NRXN1: variants seen among roughly 807,000 people sequenced by gnomAD.
NRXN1 encodes the protein neurexin 1.
Under a neutral mutation model 150.9 loss-of-function variants are expected in NRXN1, and 39 were observed. The ratio of observed to expected loss-of-function variants is 0.26; its 90% CI spans 0.20 to 0.34. The LOEUF is 0.34. Ranked by LOEUF, NRXN1 falls within the 10% of genes least tolerant of loss-of-function variation. The pLI is 1.00. For synonymous variants in NRXN1, 924 were observed against 757.0 expected (o/e 1.22, Z -3.62); for missense variants, 1,815 against 1,949.9 (o/e 0.93, Z 1.30).
chr2:50,136,915 A>C (rs752010266), intron 18 of NRXN1, among the ~76,000 whole-genome samples: 2 of 152,226 alleles, frequency 1.3e-5, no homozygotes, highest in Non-Finnish European at 1.5e-5. Context: ...AGAATAATCT[A>C]TAAAAACTAA....
chr2:50,006,945 G>A (rs1641900497), intron 21 of NRXN1, among the ~76,000 whole-genome samples: 1 of 152,120 alleles, frequency 6.6e-6, no homozygotes, highest in Non-Finnish European at 1.5e-5. Context: ...TTGAAGAGAG[G>A]CTAGATGCTC....
At chr2:50,456,923 C>T (rs1403360313) in intron 17 of NRXN1, among the ~76,000 whole-genome samples, 2 of 152,092 alleles carry the variant, frequency 1.3e-5, no homozygotes, top group Non-Finnish European at 2.9e-5. Context: ...TCATTTGGTG[C>T]ACATTCATTG....
chr2:50,906,537 A>G (rs1178808954), intron 5 of NRXN1, among the ~76,000 whole-genome samples: 1 of 152,076 alleles, frequency 6.6e-6, no homozygotes, highest in East Asian at 1.9e-4. Context: ...AATTGTTGCT[A>G]TGCTGTTTTC....
intron 18 of NRXN1, among the ~76,000 whole-genome samples, chr2:50,220,836 C>T (rs2063827336): frequency 6.6e-6 from 1 of 151,936 alleles, no homozygotes; most frequent in African/African-American, 2.4e-5. Flanking sequence ...CTTGTAACAC[C>T]AAACAACCAC....
At chr2:50,528,307 A>G (rs1558885043) in intron 12 of NRXN1, among the ~76,000 whole-genome samples, 1 of 151,992 alleles carries the variant, frequency 6.6e-6, no homozygotes, top group Non-Finnish European at 1.5e-5. Context: ...ATTTTCTCCT[A>G]TTTGGTTATG....
At chr2:50,962,469 G>C (rs1270137440) in intron 2 of NRXN1, among the ~76,000 whole-genome samples, 1 of 151,584 alleles carries the variant, frequency 6.6e-6, no homozygotes, top group Non-Finnish European at 1.5e-5. Context: ...ACACATTACA[G>C]CTTCCACATT....
chr2:50,466,323 C>T (rs911783936), intron 16 of NRXN1: 59 of 363,756 alleles, frequency 1.6e-4, no homozygotes, highest in Non-Finnish European at 2.9e-4. Flanking sequence ...AGGCTTCTTG[C>T]ACAACGTTCA....
intron 5 of NRXN1, among the ~76,000 whole-genome samples, chr2:50,901,426 A>G (rs1000321507): frequency 5.3e-5 from 8 of 152,010 alleles, no homozygotes; most frequent in Non-Finnish European, 8.8e-5. Context: ...AGTCCCAGCT[A>G]CTCAGGAGGC....
intron 16 of NRXN1, chr2:50,466,352 A>C (rs1214733288): frequency 5.6e-6 from 2 of 356,048 alleles, no homozygotes; most frequent in Non-Finnish European, 1.1e-5. Flanking sequence ...AAAGAATGAA[A>C]TCTGAACCCA....
intron 2 of NRXN1, among the ~76,000 whole-genome samples, chr2:51,003,124 T>A (rs1171354444): frequency 6.6e-6 from 1 of 151,954 alleles, no homozygotes; most frequent in African/African-American, 2.4e-5. Flanking sequence ...CATTTGAGCA[T>A]CTTCTATGCA....
In NRXN1 at chr2:49,922,131, A is replaced by T. The variant is rs1293864569; in HGVS notation, c.4337T>A (p.Leu1446His). Reference sequence around the variant, plus strand: ...CTTGTACATGGCATAGAGGAGGATAAGGATGCACAGGGCGGCAGCGGCTAC... The same window carrying T: ...CTTGTACATGGCATAGAGGAGGATATGGATGCACAGGGCGGCAGCGGCTAC... ...GIVAAAALCI[L>H]ILLYAMYKYR... Residue 1446 changes from leucine (L) to histidine (H), a missense_variant, in exon 23 of 23, where the codon CTT (leucine) becomes CAT (histidine). By Grantham distance (99) the Leu-to-His change is moderately conservative. Transcript: ENST00000401669. 2 of 1,614,098 alleles carry T rather than the reference A, an allele frequency of 1.2e-6. No homozygotes were observed. Among genetic ancestry groups the T allele is most frequent in the Non-Finnish European group, 1.7e-6 (2 of 1,180,022 alleles).
intron 5 of NRXN1, among the ~76,000 whole-genome samples, chr2:50,860,425 G>A (rs929621123): frequency 6.6e-6 from 1 of 152,080 alleles, no homozygotes; most frequent in Admixed American, 6.6e-5. Flanking sequence ...AAACTCTGTG[G>A]TTTGAGGTGC....
chr2:50,266,336 C>T (rs1574833812), intron 17 of NRXN1, among the ~76,000 whole-genome samples: 1 of 149,520 alleles, frequency 6.7e-6, no homozygotes, highest in East Asian at 1.9e-4. Flanking sequence ...CCAGTTTTTC[C>T]AAGAACCACC....
chr2:50,733,809 A>AGAATG lies in NRXN1; in HGVS notation c.833-110195_833-110194insCATTC, dbSNP rs559934647. ...TCAATGGTTTATAAAGATATTTCTA[A>AGAATG]GAAATTGAACTTAACTAGCAAAGAT... On this transcript the variant is annotated intron_variant, in intron 5 of 22. Transcript: ENST00000401669. Among the ~76,000 whole-genome samples the AGAATG allele has an allele frequency of 2.0e-3, 304 of 152,308 alleles. 4 individuals carry two copies. Among genetic ancestry groups the AGAATG allele is most frequent in the African/African-American group, 7.1e-3 (296 of 41,556 alleles).
chr2:50,572,297 C>G (rs904315629), intron 8 of NRXN1, among the ~76,000 whole-genome samples: 3 of 152,184 alleles, frequency 2.0e-5, no homozygotes, highest in African/African-American at 7.2e-5. Context: ...AAATATGATG[C>G]TATACCAAAT....
At chr2:50,917,224 C>T (rs777778609) in intron 5 of NRXN1, 1 of 151,584 alleles carries the variant, frequency 6.6e-6, no homozygotes, top group Non-Finnish European at 1.5e-5. Context: ...CATTCACAAA[C>T]TTTTCTGAAC....
At position 50,091,311 on chromosome 2, in the gene NRXN1, T is replaced by G. The variant is rs778503924; in HGVS notation, c.3718+12A>C. On this transcript the variant is annotated intron_variant, in intron 19 of 22. Transcript: ENST00000401669. ...CATAAAATCTTCCCCCGATACATAT[T>G]CACTTGCTTACCTGCAGGGTAGCGC... The G allele has an allele frequency of 1.2e-6, 2 of 1,614,072 alleles. No individual in the cohort carries two copies. Among genetic ancestry groups the G allele is most frequent in the Non-Finnish European group, 1.7e-6 (2 of 1,179,972 alleles).
intron 18 of NRXN1, among the ~76,000 whole-genome samples, chr2:50,128,350 C>T (rs2060885): frequency 0.92 from 139,392 of 152,302 alleles, 63,994 homozygotes; most frequent in East Asian, 1. Context: ...TTATATGCTC[C>T]GATGCTTTAG....
intron 5 of NRXN1, among the ~76,000 whole-genome samples, chr2:50,804,901 CTT>C (rs1559287546): frequency 2.0e-5 from 3 of 152,102 alleles, no homozygotes; most frequent in African/African-American, 7.2e-5. Flanking sequence ...GAATTTAAGT[CTT>C]TTGTTTCTTT....
Sources: allele counts gnomAD v4.1 joint callset (sites outside exome capture counted in the v4.1 genomes callset), GRCh38; gene constraint gnomAD v4.1.1; transcripts MANE v1.5; gene names NCBI Gene and HGNC (gene_info 2026-07-23, HGNC 2026-07-21).